LMF1: variants seen among roughly 807,000 people sequenced by gnomAD.
LMF1 encodes the protein transmembrane protein 112.
A neutral mutation model predicts 60.6 loss-of-function variants in LMF1; 68 were observed. The observed-to-expected ratio is 1.12, with a 90% CI of 0.92 to 1.37. LMF1 has a LOEUF of 1.37. Ranked by LOEUF, LMF1 falls within the 40% of genes most tolerant of loss-of-function variation. The pLI, the probability that LMF1 is intolerant of heterozygous loss-of-function variation, is 0.00. For missense variants in LMF1, 948 were observed against 767.2 expected (o/e 1.24, Z -2.78); for synonymous variants, 418 against 324.7 (o/e 1.29, Z -3.09).
intron 4 of LMF1, chr16:900,707 G>C (rs1166259889): frequency 2.0e-5 from 3 of 150,430 alleles, no homozygotes; most frequent in African/African-American, 7.4e-5. Context: ...GTGTGTGTGT[G>C]TGTGTGTGTG....
Position 870,858 on chromosome 16 carries a change from T to A in LMF1, c.1103A>T (p.Asn368Ile), listed in dbSNP as rs760931691. ...GGCCAGCAGGACGCCCAGCGAGACG[T>A]TGGCTGCACGCCGCACCACGGAGCC... Reference protein sequence around the residue: ...RFGSVVRRAANVSLGVLLAWL... With the variant: ...RFGSVVRRAAIVSLGVLLAWL... The change falls in exon 8 of 11, where the codon AAC becomes ATC. Residue 368 changes from asparagine (N) to isoleucine (I), a missense_variant. Physicochemically the swap from Asn to Ile is moderately radical, Grantham distance 149. Coordinates refer to ENST00000262301, the MANE Select transcript of LMF1 (RefSeq NM_022773.4). 1.9e-6 allele frequency: 3 copies of A among 1,610,074 alleles called. No individual in the cohort carries two copies. The African/African-American group carries it at 4.0e-5, about 22-fold the overall frequency.
intron 2 of LMF1, among the ~76,000 whole-genome samples, chr16:950,725 AACGACAGAGTCAGAG>A (rs1223665340): frequency 0.012 from 1,656 of 140,414 alleles, 134 homozygotes; most frequent in African/African-American, 0.045. Context: ...AGTCAGAGCC[AACGACAGAGTCAGAG>A]ACGACAGAGT....
rs1017227247 is a variant in LMF1 at position 870,948 on chromosome 16, C to A, written c.1079-66G>T. On this transcript the variant is annotated intron_variant, in intron 7 of 10. Coordinates refer to ENST00000262301, the MANE Select transcript of LMF1 (RefSeq NM_022773.4). ...GCCCCGTGGCCTGTCCCTGGGGAGA[C>A]CCCAGCTGCTGCTCCCTAAGGGTCA... The A allele has an allele frequency of 8.6e-6, 13 of 1,519,140 alleles. No individual in the cohort carries two copies. In the African/African-American group the frequency reaches 1.5e-4, roughly 18 times the overall value. 94.1% of individuals were successfully genotyped at this position (1,519,140 alleles called of 1,614,324 possible). A position where few individuals can be genotyped will look rare whatever the true frequency, so the allele number is the denominator to read the frequency against.
chr16:891,069 A>G (rs2070473211), intron 5 of LMF1, among the ~76,000 whole-genome samples: 1 of 152,228 alleles, frequency 6.6e-6, no homozygotes, highest in Non-Finnish European at 1.5e-5. Flanking sequence ...TTTAAGGCAC[A>G]GGAAGAACTG....
chr16:871,540 C>G lies in LMF1; in HGVS notation c.898-199G>C, dbSNP rs988111644. On this transcript the variant is annotated intron_variant, in intron 6 of 10. Transcript: ENST00000262301. Reference sequence around the variant, plus strand: ...ACAGCAGATGCCTCAGAGGTGCCTTCCGGCAGGTGCTTCCAGAACATTCCT... The same window carrying G: ...ACAGCAGATGCCTCAGAGGTGCCTTGCGGCAGGTGCTTCCAGAACATTCCT... 4 of 599,388 alleles carry G rather than the reference C, an allele frequency of 6.7e-6. No homozygotes were observed. In the Admixed American group the frequency reaches 1.2e-4, roughly 18 times the overall value. The allele number at this position is 599,388 out of a possible 1,614,324, so 37.1% of individuals were successfully genotyped here.
chr16:946,284 C>A (rs145586418), intron 2 of LMF1, among the ~76,000 whole-genome samples: 1 of 152,224 alleles, frequency 6.6e-6, no homozygotes, highest in Non-Finnish European at 1.5e-5. Context: ...TGGCTGGCAG[C>A]GGATGTAGCC....
At chr16:976,195 T>TGGGCTGG (rs1364274419) in intron 1 of LMF1, 5 of 451,462 alleles carry the variant, frequency 1.1e-5, no homozygotes, top group East Asian at 7.0e-5. Context: ...GGGCCACGGA[T>TGGGCTGG]GGGCTGGGGG....
intron 1 of LMF1, chr16:979,333 CCCGGGA>C (rs2073270761): frequency 2.3e-5 from 8 of 354,132 alleles, no homozygotes; most frequent in Non-Finnish European, 3.9e-5. Context: ...ATACCGCCCT[CCCGGGA>C]GTGCACCAAC....
intron 5 of LMF1, among the ~76,000 whole-genome samples, chr16:892,417 C>A (rs1353303746): frequency 6.6e-6 from 1 of 152,214 alleles, no homozygotes; most frequent in Non-Finnish European, 1.5e-5. Context: ...AGACCACCCC[C>A]AGCCCCCACG....
intron 5 of LMF1, among the ~76,000 whole-genome samples, chr16:879,939 C>G (rs2070115500): frequency 6.6e-6 from 1 of 152,218 alleles, no homozygotes; most frequent in Non-Finnish European, 1.5e-5. Flanking sequence ...GAAGCAAAAG[C>G]AAAGTGTTCA....
chr16:876,816 A>G (rs1363430575), intron 6 of LMF1, among the ~76,000 whole-genome samples: 3 of 151,858 alleles, frequency 2.0e-5, no homozygotes, highest in African/African-American at 7.3e-5. Flanking sequence ...TTGATTGATA[A>G]CCACTGAGGA....
At chr16:974,808 T>C (rs2073104830), upstream of LMF1, among the ~76,000 whole-genome samples, 1 of 152,242 alleles carries the variant, frequency 6.6e-6, no homozygotes, top group African/African-American at 2.4e-5. Context: ...CCATTGTCCC[T>C]GGCATGCGGT....
rs1178036156 is a variant in LMF1, at chr16:954,653, C to G, written c.207G>C (p.Leu69=). Residue 69 remains leucine, a synonymous_variant, in exon 2 of 11, where the codon CTG becomes CTC. Coordinates refer to ENST00000262301, the MANE Select transcript of LMF1 (RefSeq NM_022773.4). ...GCTGCTTGTTCTGATGGAAAGCCAC[C>G]AGGAATGCCACGACTGGAAGAAAAA... is the stretch of plus-strand genomic sequence containing the variant. The part of the protein sequence containing the change: ...ALAFVYFVAF[L]VAFHQNKQLI... The G allele has an allele frequency of 6.3e-7, 1 of 1,595,972 alleles. No homozygotes were observed. Among genetic ancestry groups the G allele is most frequent in the Admixed American group, 1.7e-5 (1 of 58,642 alleles).
chr16:854,774 T>A, intron 10 of LMF1, 68 bp from the exon 11 acceptor site: 1 of 1,383,720 alleles, frequency 7.2e-7, no homozygotes, highest in Non-Finnish European at 9.9e-7. Flanking sequence ...CTCCTCAGCC[T>A]GCTGCTGAGC....
chr16:883,326 AG>A (rs1451125876), intron 5 of LMF1, among the ~76,000 whole-genome samples: 1 of 152,024 alleles, frequency 6.6e-6, no homozygotes, highest in Non-Finnish European at 1.5e-5. Context: ...GAGAAAGAGA[AG>A]CCGCCCAGCG....
intron 4 of LMF1, among the ~76,000 whole-genome samples, chr16:908,102 C>A (rs1468736372): frequency 6.6e-6 from 1 of 152,198 alleles, no homozygotes. Flanking sequence ...CCACAGAGTC[C>A]TTGGAAATGC....
chr16:903,101 C>T (rs1331463190), intron 4 of LMF1: 2 of 54,104 alleles, frequency 3.7e-5, no homozygotes, highest in Non-Finnish European at 5.9e-5. Flanking sequence ...TCTGCACTGC[C>T]CACAGGACTC....
intron 1 of LMF1, among the ~76,000 whole-genome samples, chr16:977,901 A>T (rs2073198319): frequency 7.4e-6 from 1 of 135,150 alleles, no homozygotes; most frequent in Non-Finnish European, 1.6e-5. Context: ...ACCACACACT[A>T]AACACACACA....
chr16:964,065 A>G (rs1456539931), intron 1 of LMF1: 1 of 455,390 alleles, frequency 2.2e-6, no homozygotes, highest in Non-Finnish European at 4.4e-6. Flanking sequence ...TGCAACGAGG[A>G]AATACCGAGG....
Sources: gnomAD v4.1 joint callset for allele counts (sites outside exome capture counted in the v4.1 genomes callset) on GRCh38, gnomAD v4.1.1 for gene constraint, MANE v1.5 for transcripts, NCBI Gene and HGNC (gene_info 2026-07-23, HGNC 2026-07-21) for gene names.